The following IARS1 variants were observed in gnomAD, a reference collection of about 807,000 sequenced individuals.
The protein encoded by IARS1 is isoleucyl-tRNA synthetase 1, also known as isoleucine--tRNA ligase, cytoplasmic.
In IARS1, 124 loss-of-function variants were observed where a neutral mutation model predicts 168.2. The observed-to-expected ratio is 0.74, with a 90% confidence interval of 0.64 to 0.86. The LOEUF is 0.86. Ranked by LOEUF, IARS1 falls within the 40% of genes least tolerant of loss-of-function variation. The probability of loss-of-function intolerance (pLI) is 0.00; values close to 1 mark genes in which losing one functional copy is unlikely to be tolerated. For missense variants in IARS1, 1,452 were observed against 1,515.8 expected (o/e 0.96, Z 0.70); for synonymous variants, 532 against 529.4 (o/e 1.00, Z -0.07).
chr9:92,274,221 G>C (rs1050224408), intron 10 of IARS1, among the ~76,000 whole-genome samples: 4 of 151,888 alleles, frequency 2.6e-5, no homozygotes, highest in African/African-American at 9.7e-5. Flanking sequence ...ACCAAAAAGA[G>C]TTTACTGGAT....
chr9:92,273,383 T>C (rs1259054547), intron 10 of IARS1, among the ~76,000 whole-genome samples: 1 of 152,148 alleles, frequency 6.6e-6, no homozygotes, highest in Non-Finnish European at 1.5e-5. Flanking sequence ...TAAAAGTCCT[T>C]ATCAGTCAGA....
intron 30 of IARS1, among the ~76,000 whole-genome samples, chr9:92,239,448 T>C (rs1257629589): frequency 6.6e-6 from 1 of 152,212 alleles, no homozygotes; most frequent in African/African-American, 2.4e-5. Flanking sequence ...GTGTTATATC[T>C]TTTTCACTGC....
At position 92,269,903 on chromosome 9, in the gene IARS1, T is replaced by C. The variant is rs867054923; in HGVS notation, c.1286A>G (p.Asn429Ser). The C allele has an allele frequency of 1.2e-6, 2 of 1,612,734 alleles. No homozygotes were observed. Among genetic ancestry groups the C allele is most frequent in the Non-Finnish European group, 1.7e-6 (2 of 1,178,884 alleles). Residue 429 changes from asparagine to serine, a missense_variant, in exon 13 of 34, where the codon AAC (asparagine) becomes AGC (serine). Physicochemically the swap from Asn to Ser is conservative, Grantham distance 46. Coordinates refer to ENST00000443024, the MANE Select transcript of IARS1 (RefSeq NM_002161.6). ...VENMVDQLLR[N>S]NDLCYWVPEL... ...TGCTCACCAGTAGCACAGGTCATTG[T>C]TCCTTAGGAGCTGGTCCACCATGTT... is the stretch of plus-strand genomic sequence containing the variant.
chr9:92,215,215 T>C (rs959423896), intron 33 of IARS1, among the ~76,000 whole-genome samples: 2 of 152,162 alleles, frequency 1.3e-5, no homozygotes, highest in Non-Finnish European at 2.9e-5. Flanking sequence ...GAGGGTCCTG[T>C]CTGTCAGAAG....
At position 92,210,836 on chromosome 9, in the gene IARS1, A is replaced by G. The variant is rs1301207461; in HGVS notation, c.3760T>C (p.Ser1254Pro). The change falls in exon 34 of 34, where the codon TCT (serine) becomes CCT (proline). Residue 1254 changes from serine to proline, a missense_variant. Coordinates refer to ENST00000443024, the MANE Select transcript of IARS1 (RefSeq NM_002161.6). Reference protein sequence around the residue: ...KTLNMKTVYVSVLPTTADF With the variant: ...KTLNMKTVYVPVLPTTADF ...AAGTCTGCTGTTGTTGGTAACACAG[A>G]AACATACACAGTCTTCATATTCAAA... 1.9e-6 allele frequency: 3 copies of G among 1,611,706 alleles called. No individual in the cohort carries two copies. The highest frequency in any genetic ancestry group is 1.3e-5 in the African/African-American group (1 of 74,876).
In IARS1 at chr9:92,288,337, A is replaced by G. The variant is rs577096567; in HGVS notation, c.120-55T>C. ...TTTAAAAACAGCCAAAATTTAAGGC[A>G]TTTTTCTATAGATAGCTCTTGTCAT... On this transcript the variant is annotated intron_variant, in intron 2 of 33. Transcript: ENST00000443024. 407 of 1,480,742 alleles carry G rather than the reference A, an allele frequency of 2.7e-4. 3 individuals are homozygous for G. The South Asian group carries it at 4.5e-3, about 16-fold the overall frequency. The allele number at this position is 1,480,742 out of a possible 1,614,324, so 91.7% of individuals were successfully genotyped here.
intron 1 of IARS1, among the ~76,000 whole-genome samples, chr9:92,290,589 T>C (rs1335730357): frequency 6.6e-6 from 1 of 152,220 alleles, no homozygotes; most frequent in East Asian, 1.9e-4. Flanking sequence ...CTTGAGCTTT[T>C]GGTGTCATCA....
At position 92,222,654 on chromosome 9, in the gene IARS1, A is replaced by T. The variant is rs369430076; in HGVS notation, c.3572T>A (p.Val1191Glu). ...TGGGTTTTCAAGCAGGAGAGTGCCC[A>T]CTGTCCCCATTAAACACTCTGTGGA... ...AKPQECLMGT[V>E]GTLLLENPLG... Residue 1191 changes from valine to glutamate, a missense_variant, in exon 33 of 34, where the codon GTG (valine) becomes GAG (glutamate). Val to Glu is a moderately radical substitution (Grantham distance 121). Transcript: ENST00000443024. 6 of 1,614,066 alleles carry T rather than the reference A, an allele frequency of 3.7e-6. No homozygotes were observed. Among genetic ancestry groups the T allele is most frequent in the Non-Finnish European group, 5.1e-6 (6 of 1,179,988 alleles).
At chr9:92,231,436 G>A (rs1468493876) in intron 30 of IARS1, among the ~76,000 whole-genome samples, 7 of 145,668 alleles carry the variant, frequency 4.8e-5, no homozygotes, top group African/African-American at 1.3e-4. Flanking sequence ...TTTTTGAGAC[G>A]GAGTTTTGCT....
At position 92,214,066 on chromosome 9, in the gene IARS1, A is replaced by G. The variant is rs141025097; in HGVS notation, c.3707-3177T>C. ...CCTCCCAAAGTGCTGGGATTACACG[A>G]GTGAGCCACCACGCAGACCCAGTCA... On this transcript the variant is annotated intron_variant, in intron 33 of 33. Transcript: ENST00000443024. 4.0e-3 allele frequency among the ~76,000 whole-genome samples: 606 copies of G among 151,912 alleles called. 6 individuals are homozygous for G. Among genetic ancestry groups the G allele is most frequent in the African/African-American group, 0.014 (582 of 41,440 alleles).
intron 17 of IARS1, among the ~76,000 whole-genome samples, chr9:92,260,849 C>G (rs1831423992): frequency 6.6e-6 from 1 of 152,186 alleles, no homozygotes; most frequent in Admixed American, 6.5e-5. Context: ...TTCACAACAG[C>G]TTTATTCACA....
At chr9:92,236,766 T>C (rs752267429) in intron 30 of IARS1, among the ~76,000 whole-genome samples, 6 of 152,168 alleles carry the variant, frequency 3.9e-5, no homozygotes, top group Admixed American at 2.6e-4. Context: ...TGAGAATCAC[T>C]TGAACCCAGG....
At chr9:92,260,886 A>T (rs1831429266) in intron 17 of IARS1, among the ~76,000 whole-genome samples, 1 of 152,220 alleles carries the variant, frequency 6.6e-6, no homozygotes, top group Non-Finnish European at 1.5e-5. Context: ...AGCAACCCAG[A>T]TGTCCTTCAA....
At chr9:92,245,984 G>A (rs1357931129) in intron 26 of IARS1, among the ~76,000 whole-genome samples, 1 of 152,102 alleles carries the variant, frequency 6.6e-6, no homozygotes, top group East Asian at 1.9e-4. Context: ...CACCGTGTTA[G>A]CCAGGACAGT....
At chr9:92,245,678 T>C (rs913833304) in intron 26 of IARS1, among the ~76,000 whole-genome samples, 1 of 152,216 alleles carries the variant, frequency 6.6e-6, no homozygotes, top group East Asian at 1.9e-4. Context: ...ACTTTGTCTC[T>C]GTGTTCTGAA....
At chr9:92,222,438 C>A in intron 33 of IARS1, 82 bp downstream of exon 33, 1 of 976,564 alleles carries the variant, frequency 1.0e-6, no homozygotes, top group South Asian at 1.5e-5. Context: ...TACTATCTTA[C>A]ATGTATATGC....
intron 16 of IARS1, among the ~76,000 whole-genome samples, chr9:92,263,716 G>C (rs1182660171): frequency 6.6e-6 from 1 of 152,154 alleles, no homozygotes; most frequent in Admixed American, 6.5e-5. Context: ...AGGAGCCCTG[G>C]TGCCCAGGAG....
chr9:92,254,430 T>C (rs1436567066), intron 20 of IARS1, among the ~76,000 whole-genome samples: 2 of 152,230 alleles, frequency 1.3e-5, no homozygotes, highest in African/African-American at 2.4e-5. Context: ...CCAGGGACTG[T>C]TAATGAGGCT....
intron 3 of IARS1, 57 bp downstream of exon 3, chr9:92,288,069 A>G (rs1835730980): frequency 6.4e-7 from 1 of 1,563,764 alleles, no homozygotes. Context: ...TTATATGACA[A>G]AATCTAATGC....
Sources: allele counts gnomAD v4.1 joint callset (sites outside exome capture counted in the v4.1 genomes callset), GRCh38; gene constraint gnomAD v4.1.1; transcripts MANE v1.5; gene names NCBI Gene and HGNC (gene_info 2026-07-23, HGNC 2026-07-21).